The following SPATA1 variants were observed in gnomAD, a reference collection of about 807,000 sequenced individuals.
SPATA1 encodes spermatogenesis-associated protein 1.
A neutral mutation model predicts 59.6 loss-of-function variants in SPATA1; 57 were observed. The observed-to-expected ratio is 0.96, with a 90% CI of 0.77 to 1.19. The LOEUF is 1.19. Ranked by LOEUF, SPATA1 falls within the 50% of genes most tolerant of loss-of-function variation. SPATA1 has a pLI of 0.00. For synonymous variants in SPATA1, 147 were observed against 163.9 expected (o/e 0.90, Z 0.79); for missense variants, 448 against 480.7 (o/e 0.93, Z 0.64).
chr1:84,544,182 AT>A lies in SPATA1; in HGVS notation c.718-16del. 1 of 1,482,828 alleles carries A rather than the reference AT, an allele frequency of 6.7e-7. No homozygotes were observed. The highest frequency in any genetic ancestry group is 9.3e-7 in the Non-Finnish European group (1 of 1,073,468). 91.9% of individuals were successfully genotyped at this position (1,482,828 alleles called of 1,614,324 possible). On this transcript the variant is annotated intron_variant, in intron 8 of 12. Coordinates refer to ENST00000490879, the Ensembl canonical transcript of SPATA1. ...TGTGACAGTGTAGCCGATCTTACTC[AT>A]TTTCACGTTTGCTTACAGACAGCTG...
downstream of SPATA1, among the ~76,000 whole-genome samples, chr1:84,558,322 C>T (rs1310986329): frequency 2.3e-4 from 34 of 150,860 alleles, no homozygotes; most frequent in Non-Finnish European, 4.7e-4. Context: ...CGGAGTCTCG[C>T]TCTGTCGCCC....
chr1:84,540,296 G>T (rs907172298), intron 8 of SPATA1, among the ~76,000 whole-genome samples: 4 of 151,058 alleles, frequency 2.6e-5, no homozygotes, highest in Admixed American at 6.6e-5. Context: ...ATTTATTTGG[G>T]TTTTTTTCGT....
At chr1:84,562,210 A>G (rs779621415) in intron 4 of SPATA1, among the ~76,000 whole-genome samples, 5 of 152,170 alleles carry the variant, frequency 3.3e-5, no homozygotes, top group Non-Finnish European at 5.9e-5. Context: ...TTTTCTAAAT[A>G]TATTTGGCCA....
chr1:84,507,660 A>C (rs1345073621), intron 1 of SPATA1, among the ~76,000 whole-genome samples: 1 of 152,222 alleles, frequency 6.6e-6, no homozygotes, highest in Non-Finnish European at 1.5e-5. Context: ...CATACTTTAC[A>C]GATTTGTAAG....
chr1:84,531,257 G>T (rs1369515112), intron 6 of SPATA1, among the ~76,000 whole-genome samples: 1 of 152,060 alleles, frequency 6.6e-6, no homozygotes, highest in Non-Finnish European at 1.5e-5. Context: ...CTGCCTCCTG[G>T]ATTCAAGCTA....
chr1:84,529,576 C>CTTTTTTTTTTTTTTTT (rs761561650), intron 6 of SPATA1, among the ~76,000 whole-genome samples: 1 of 91,348 alleles, frequency 1.1e-5, no homozygotes, highest in African/African-American at 4.5e-5. Context: ...GGTAATATGC[C>CTTTTTTTTTTTTTTTT]TTTTTTTTTT....
intron 6 of SPATA1, among the ~76,000 whole-genome samples, chr1:84,528,496 T>C (rs1683325570): frequency 6.6e-6 from 1 of 152,236 alleles, no homozygotes; most frequent in Non-Finnish European, 1.5e-5. Flanking sequence ...TATATCATTT[T>C]GGACTCACTT....
At chr1:84,520,472 T>C (rs1682977399) in intron 2 of SPATA1, 113 bp from the exon 3 acceptor site, 1 of 683,486 alleles carries the variant, frequency 1.5e-6, no homozygotes, top group Non-Finnish European at 2.3e-6. Context: ...GGGATGTATG[T>C]ATTCCATGTT....
intron 8 of SPATA1, among the ~76,000 whole-genome samples, chr1:84,538,239 A>G (rs72950312): frequency 0.053 from 8,125 of 152,246 alleles, 763 homozygotes; most frequent in African/African-American, 0.19. Context: ...TTACAGCCTG[A>G]TGCTCCTATT....
chr1:84,557,226 AT>A (rs1369928034), downstream of SPATA1, among the ~76,000 whole-genome samples: 1 of 152,180 alleles, frequency 6.6e-6, no homozygotes, highest in African/African-American at 2.4e-5. Flanking sequence ...TTGCTACAGA[AT>A]TTTGCAATTA....
intron 1 of SPATA1, among the ~76,000 whole-genome samples, chr1:84,514,980 G>GA (rs565717673): frequency 6.6e-6 from 1 of 151,366 alleles, no homozygotes; most frequent in Non-Finnish European, 1.5e-5. Flanking sequence ...CAAAAAAAAA[G>GA]AAAAAAAATT....
rs577768595 is a variant in SPATA1, at chr1:84,518,946, T to C, written c.37-1639T>C. 6.6e-5 allele frequency among the ~76,000 whole-genome samples: 10 copies of C among 152,196 alleles called. No homozygotes were observed. In the East Asian group the frequency reaches 1.5e-3, roughly 23 times the overall value. ...GTTACCTATTAGTGTTTTATGTTTA[T>C]TGTTTTTTAATTTTTAAAAAATTTT... is the stretch of plus-strand genomic sequence containing the variant. On this transcript the variant is annotated intron_variant, in intron 2 of 12. Transcript: ENST00000490879.
At chr1:84,563,365 G>A (rs367692581) in intron 4 of SPATA1, 29 of 1,592,968 alleles carry the variant, frequency 1.8e-5, no homozygotes, top group Admixed American at 3.5e-5. Context: ...GTCCTGCAGC[G>A]TCACTACAAG....
At position 84,549,296 on chromosome 1, in the gene SPATA1, T is replaced by C. The variant is rs1160023183; in HGVS notation, c.1125+332T>C. On this transcript the variant is annotated intron_variant, in intron 11 of 12. Coordinates refer to ENST00000490879, the Ensembl canonical transcript of SPATA1. The stretch of plus-strand genomic sequence containing the variant: ...CAGGGAGAAACCTCTCTCTGAATCA[T>C]GGAATATATAAATCTTTCCCTTTAT... Among the ~76,000 whole-genome samples the C allele has an allele frequency of 5.7e-4, 87 of 152,240 alleles. 1 individual carries two copies. Among genetic ancestry groups the C allele is most frequent in the Non-Finnish European group, 1.3e-4 (9 of 67,998 alleles).
chr1:84,508,040 A>G (rs1431485876), intron 1 of SPATA1, among the ~76,000 whole-genome samples: 1 of 152,178 alleles, frequency 6.6e-6, no homozygotes, highest in Non-Finnish European at 1.5e-5. Context: ...CCAGCACTTT[A>G]GCAGGCTGAG....
chr1:84,560,313 T>C (rs1393767903), intron 4 of SPATA1, among the ~76,000 whole-genome samples: 8 of 151,832 alleles, frequency 5.3e-5, no homozygotes, highest in Non-Finnish European at 1.5e-5. Flanking sequence ...TCCAGAGAGG[T>C]CCTACCCCAT....
intron 4 of SPATA1, among the ~76,000 whole-genome samples, chr1:84,564,456 C>A (rs1023081459): frequency 6.6e-5 from 10 of 151,956 alleles, no homozygotes; most frequent in Non-Finnish European, 8.8e-5. Context: ...CTTTTTAGAG[C>A]CTTTAATGTT....
chr1:84,560,743 A>T (rs1049558393), intron 4 of SPATA1, among the ~76,000 whole-genome samples: 1 of 152,194 alleles, frequency 6.6e-6, no homozygotes, highest in African/African-American at 2.4e-5. Flanking sequence ...TTCATTTACC[A>T]TTCCAAAAAT....
intron 2 of SPATA1, among the ~76,000 whole-genome samples, chr1:84,519,629 T>C (rs1012047200): frequency 2.6e-5 from 4 of 152,194 alleles, no homozygotes; most frequent in African/African-American, 9.6e-5. Context: ...AAATGCAACG[T>C]ATAGAAAACT....
Sources: allele counts gnomAD v4.1 joint callset (sites outside exome capture counted in the v4.1 genomes callset), GRCh38; gene constraint gnomAD v4.1.1; transcripts MANE v1.5; gene names NCBI Gene and HGNC (gene_info 2026-07-23, HGNC 2026-07-21).